Variants in PCCA observed in about 807,000 individuals in gnomAD.
PCCA encodes propionyl-CoA carboxylase alpha chain, mitochondrial.
In PCCA, 74 loss-of-function variants were observed where a neutral mutation model predicts 101.3. The observed-to-expected ratio is 0.73, with a 90% CI of 0.61 to 0.89. PCCA has a LOEUF of 0.89. PCCA is among the 40% of genes least tolerant of loss of function. PCCA has a pLI of 0.00. For missense variants in PCCA, 891 were observed against 907.0 expected (o/e 0.98, Z 0.23); for synonymous variants, 294 against 313.6 (o/e 0.94, Z 0.66).
intron 4 of PCCA, among the ~76,000 whole-genome samples, chr13:100,119,250 A>T (rs934246433): frequency 2.6e-5 from 4 of 152,020 alleles, no homozygotes; most frequent in Non-Finnish European, 5.9e-5. Flanking sequence ...AGAATCTATC[A>T]TATTATTGTA....
At chr13:100,217,543 A>G (rs1194895477) in intron 7 of PCCA, among the ~76,000 whole-genome samples, 1 of 152,150 alleles carries the variant, frequency 6.6e-6, no homozygotes, top group Non-Finnish European at 1.5e-5. Context: ...AAAATATAGT[A>G]TCCATGTTAT....
intron 6 of PCCA, among the ~76,000 whole-genome samples, chr13:100,167,075 T>C (rs1400876053): frequency 6.6e-6 from 1 of 152,186 alleles, no homozygotes; most frequent in Non-Finnish European, 1.5e-5. Context: ...TTAGACATAT[T>C]AGGGTTCTTT....
At chr13:100,223,524 T>G (rs1487700414) in intron 7 of PCCA, among the ~76,000 whole-genome samples, 1 of 152,154 alleles carries the variant, frequency 6.6e-6, no homozygotes, top group Non-Finnish European at 1.5e-5. Context: ...ACCTTCGCGG[T>G]GAGCGTTATA....
At chr13:100,431,607 C>T (rs935226246) in intron 20 of PCCA, among the ~76,000 whole-genome samples, 6 of 152,222 alleles carry the variant, frequency 3.9e-5, no homozygotes, top group African/African-American at 7.2e-5. Flanking sequence ...TGGCTCACGC[C>T]TGTAATCCCA....
intron 6 of PCCA, among the ~76,000 whole-genome samples, chr13:100,192,038 G>T (rs1055203845): frequency 5.9e-5 from 9 of 152,180 alleles, no homozygotes; most frequent in Admixed American, 3.9e-4. Flanking sequence ...ATGTGAATTG[G>T]AGGAAGCAAT....
intron 18 of PCCA, among the ~76,000 whole-genome samples, chr13:100,358,240 G>T (rs1292256627): frequency 6.6e-6 from 1 of 152,166 alleles, no homozygotes; most frequent in East Asian, 1.9e-4. Flanking sequence ...CAATGTAACT[G>T]CCTGCTGTAA....
chr13:100,370,332 G>A (rs996680662), intron 19 of PCCA, among the ~76,000 whole-genome samples: 1 of 151,974 alleles, frequency 6.6e-6, no homozygotes, highest in African/African-American at 2.4e-5. Context: ...TGATCCTCCT[G>A]TCTCAGCCTC....
At chr13:100,123,113 A>G (rs926241169) in intron 4 of PCCA, among the ~76,000 whole-genome samples, 11 of 152,180 alleles carry the variant, frequency 7.2e-5, no homozygotes, top group Admixed American at 1.3e-4. Flanking sequence ...CTGGAGTGCA[A>G]TGGCACCATC....
chr13:100,506,381 G>A (rs1296349442), intron 21 of PCCA, among the ~76,000 whole-genome samples: 1 of 151,720 alleles, frequency 6.6e-6, no homozygotes, highest in Non-Finnish European at 1.5e-5. Context: ...TCGCGGGCGG[G>A]GGTGGGGGCG....
In PCCA at chr13:100,089,110, C is replaced by G; in HGVS notation, c.-11C>G. The G allele has an allele frequency of 4.0e-6, 6 of 1,484,256 alleles. No homozygotes were observed. The highest frequency in any genetic ancestry group is 5.4e-6 in the Non-Finnish European group (6 of 1,112,734). The allele number at this position is 1,484,256 out of a possible 1,614,324, so 91.9% of individuals were successfully genotyped here. On this transcript the variant is annotated 5_prime_UTR_variant, in exon 1 of 24. Coordinates refer to ENST00000376285, the MANE Select transcript of PCCA (RefSeq NM_000282.4). ...GAGAGGTCAGCAGAGGGGCGGTCTG[C>G]GGGGACAACAATGGCGGGGTTCTGG...
chr13:100,182,311 G>A (rs1216998288), intron 6 of PCCA, among the ~76,000 whole-genome samples: 1 of 151,992 alleles, frequency 6.6e-6, no homozygotes, highest in Non-Finnish European at 1.5e-5. Context: ...TGGCCAGGCT[G>A]ATCTCAAACT....
chr13:100,107,105 A>G (rs537003446), intron 2 of PCCA, among the ~76,000 whole-genome samples: 9 of 152,340 alleles, frequency 5.9e-5, no homozygotes, highest in South Asian at 2.1e-4. Context: ...GGTGTAATAC[A>G]TATTTGTTAA....
intron 16 of PCCA, among the ~76,000 whole-genome samples, chr13:100,313,359 C>G (rs2067083621): frequency 6.6e-6 from 1 of 152,184 alleles, no homozygotes; most frequent in Admixed American, 6.5e-5. Flanking sequence ...ACAGGGCTGG[C>G]TAAATGGGAG....
chr13:100,425,634 T>A lies in PCCA; in HGVS notation c.1748T>A (p.Val583Glu), dbSNP rs2079090540. 1.2e-6 allele frequency: 2 copies of A among 1,609,246 alleles called. No homozygotes were observed. Among genetic ancestry groups the A allele is most frequent in the African/African-American group, 2.7e-5 (2 of 74,844 alleles). Residue 583 changes from valine to glutamate, a missense_variant and splice_region_variant, in exon 20 of 24, where the codon GTG becomes GAG. Transcript: ENST00000376285. ...TGGTCTTATTTGGTGTCACAACAGG[T>A]GGAAGTTGATGGGTCGAAACTAAAT... ...VASNNGSVFS[V>E]EVDGSKLNVT...
At chr13:100,406,628 G>A (rs919280561) in intron 19 of PCCA, among the ~76,000 whole-genome samples, 7 of 152,110 alleles carry the variant, frequency 4.6e-5, no homozygotes, top group South Asian at 2.1e-4. Context: ...CGCTTGAACC[G>A]GGAAGGTGGA....
intron 6 of PCCA, among the ~76,000 whole-genome samples, chr13:100,166,406 C>G (rs1312024633): frequency 2.6e-5 from 4 of 152,148 alleles, no homozygotes; most frequent in Non-Finnish European, 5.9e-5. Flanking sequence ...TCAAGTAATT[C>G]TTGTGCCTCA....
chr13:100,164,478 G>C (rs1005205154), intron 6 of PCCA, among the ~76,000 whole-genome samples: 1 of 152,106 alleles, frequency 6.6e-6, no homozygotes, highest in Admixed American at 6.5e-5. Context: ...TGGGCCTCTG[G>C]ATAGTTCAGT....
At chr13:100,398,241 TA>T in intron 19 of PCCA, among the ~76,000 whole-genome samples, 1 of 152,176 alleles carries the variant, frequency 6.6e-6, no homozygotes, top group East Asian at 1.9e-4. Flanking sequence ...ATTGATATTT[TA>T]ACCAAAATTT....
intron 7 of PCCA, among the ~76,000 whole-genome samples, chr13:100,211,810 G>A (rs2059231024): frequency 6.6e-6 from 1 of 152,024 alleles, no homozygotes; most frequent in Non-Finnish European, 1.5e-5. Flanking sequence ...GCATAGTCAT[G>A]GCTCACTGCA....
Sources: allele counts gnomAD v4.1 joint callset (sites outside exome capture counted in the v4.1 genomes callset), GRCh38; gene constraint gnomAD v4.1.1; transcripts MANE v1.5; gene names NCBI Gene and HGNC (gene_info 2026-07-23, HGNC 2026-07-21).